The following GRIN2B variants were observed in gnomAD, a reference collection of about 807,000 sequenced individuals.
The protein encoded by GRIN2B is glutamate receptor ionotropic, NMDA 2B.
GRIN2B carries 5 observed loss-of-function variants against 114.5 expected under a neutral mutation model. That is an observed-to-expected ratio of 0.04 (90% CI 0.02 to 0.09). GRIN2B has a LOEUF of 0.09. Ranked by LOEUF, GRIN2B falls within the 10% of genes least tolerant of loss-of-function variation. The pLI, the probability that GRIN2B is intolerant of heterozygous loss-of-function variation, is 1.00. For missense variants in GRIN2B, 1,108 were observed against 1,943.5 expected, an observed-to-expected ratio of 0.57 and a Z score of 8.08; for synonymous variants, 787 against 745.1, an observed-to-expected ratio of 1.06 and a Z score of -0.92.
At chr12:13,848,014 C>T (rs1172079223) in intron 3 of GRIN2B, among the ~76,000 whole-genome samples, 1 of 152,094 alleles carries the variant, frequency 6.6e-6, no homozygotes, top group Non-Finnish European at 1.5e-5. Flanking sequence ...TGGACAGTCC[C>T]CTGCTCAGCT....
At position 13,753,156 on chromosome 12, in the gene GRIN2B, CA is replaced by C. The variant is rs1449955472; in HGVS notation, c.1010+160del. 6.6e-6 allele frequency among the ~76,000 whole-genome samples: 1 copy of C among 152,120 alleles called. No individual in the cohort carries two copies. Among genetic ancestry groups the C allele is most frequent in the Non-Finnish European group, 1.5e-5 (1 of 68,022 alleles). ...AAAGTTGTTTTGGCAAGGTTGGATC[CA>C]AAACACTCCCCCAATCATGACCAAT... On this transcript the variant is annotated intron_variant, in intron 4 of 13. Coordinates refer to ENST00000609686, the MANE Select transcript of GRIN2B (RefSeq NM_000834.5). This position sits in a 1 kb window ranked among gnomAD's most constrained non-coding sequence, Gnocchi z 6.2.
intron 4 of GRIN2B, among the ~76,000 whole-genome samples, chr12:13,727,813 C>G (rs1233145828): frequency 6.6e-6 from 1 of 152,138 alleles, no homozygotes; most frequent in Non-Finnish European, 1.5e-5. Context: ...CTTATGCAAA[C>G]CATGTTCCTA....
intron 10 of GRIN2B, among the ~76,000 whole-genome samples, chr12:13,604,123 G>T (rs1949205133): frequency 6.6e-6 from 1 of 152,080 alleles, no homozygotes; most frequent in African/African-American, 2.4e-5. Context: ...TGGGCTCTTT[G>T]TTAAGAGAAG....
chr12:13,745,643 T>A (rs1275429368), intron 4 of GRIN2B, among the ~76,000 whole-genome samples: 1 of 152,256 alleles, frequency 6.6e-6, no homozygotes, highest in Non-Finnish European at 1.5e-5. Context: ...TCCTACCATC[T>A]ATTCATTAAG....
intron 3 of GRIN2B, among the ~76,000 whole-genome samples, chr12:13,828,361 T>C (rs965534686): frequency 1.3e-5 from 2 of 152,224 alleles, no homozygotes; most frequent in Non-Finnish European, 2.9e-5. Flanking sequence ...GAATTGTTCT[T>C]CTTATGGCTC....
chr12:13,939,575 G>A (rs1867199666), intron 2 of GRIN2B, among the ~76,000 whole-genome samples: 4 of 71,686 alleles, frequency 5.6e-5, no homozygotes, highest in Admixed American at 5.0e-4. Flanking sequence ...TCCTTTTTGA[G>A]ACAAGGTCTT....
chr12:13,934,376 T>C (rs528887913), intron 2 of GRIN2B, among the ~76,000 whole-genome samples: 2 of 152,352 alleles, frequency 1.3e-5, no homozygotes, highest in East Asian at 1.9e-4. Context: ...AGTTTACATA[T>C]ACATTATTTC....
intron 5 of GRIN2B, among the ~76,000 whole-genome samples, chr12:13,640,952 T>C (rs1354447137): frequency 6.6e-6 from 1 of 152,144 alleles, no homozygotes; most frequent in Non-Finnish European, 1.5e-5. Flanking sequence ...CACAACTCTG[T>C]TGTGAGAAGA....
At chr12:13,606,041 TAC>T (rs1949242877) in intron 10 of GRIN2B, among the ~76,000 whole-genome samples, 1 of 152,124 alleles carries the variant, frequency 6.6e-6, no homozygotes, top group Non-Finnish European at 1.5e-5. Context: ...CTCTGTGTGG[TAC>T]ATAGTCTACT....
At chr12:13,840,953 TATGA>T (rs752029532) in intron 3 of GRIN2B, among the ~76,000 whole-genome samples, 48 of 152,226 alleles carry the variant, frequency 3.2e-4, no homozygotes, top group Non-Finnish European at 5.9e-4. Context: ...TCACTATGAG[TATGA>T]ATAACGCCCT....
intron 2 of GRIN2B, among the ~76,000 whole-genome samples, chr12:13,916,712 T>TACACACAC (rs1156830012): frequency 2.5e-3 from 239 of 96,938 alleles, no homozygotes; most frequent in African/African-American, 8.2e-3. Context: ...CATATACATA[T>TACACACAC]ACACACACAC....
Position 13,753,299 on chromosome 12 carries a change from C to T in GRIN2B, c.1010+18G>A. 1 of 1,347,890 alleles carries T rather than the reference C, an allele frequency of 7.4e-7. No homozygotes were observed. Among genetic ancestry groups the T allele is most frequent in the East Asian group, 2.3e-5 (1 of 43,664 alleles). 83.5% of individuals were successfully genotyped at this position (1,347,890 alleles called of 1,614,324 possible). The stretch of plus-strand genomic sequence containing the variant: ...CCTCTCATCTCCACCATCAATGTGC[C>T]CTCTGTTCCACACTCACCTATTTAG... On this transcript the variant is annotated intron_variant, in intron 4 of 13. Transcript: ENST00000609686. The surrounding 1 kb of genome is among the most constrained non-coding windows in gnomAD (Gnocchi z 6.2).
intron 3 of GRIN2B, among the ~76,000 whole-genome samples, chr12:13,767,297 T>C: frequency 6.6e-6 from 1 of 151,408 alleles, no homozygotes; most frequent in South Asian, 2.1e-4. Context: ...AATGCCAAAT[T>C]TTCCTTCTCC....
At chr12:13,978,498 T>C (rs900855284) in intron 2 of GRIN2B, among the ~76,000 whole-genome samples, 1 of 152,222 alleles carries the variant, frequency 6.6e-6, no homozygotes, top group African/African-American at 2.4e-5. Flanking sequence ...AGAACTATCA[T>C]CTACTGTCAT....
chr12:13,900,993 T>G (rs1193273757), intron 2 of GRIN2B, among the ~76,000 whole-genome samples: 2 of 152,186 alleles, frequency 1.3e-5, no homozygotes. Flanking sequence ...ATGTCTATTC[T>G]TGTCCAAGAA....
At chr12:13,898,686 TG>T (rs533460340) in intron 2 of GRIN2B, among the ~76,000 whole-genome samples, 106 of 152,160 alleles carry the variant, frequency 7.0e-4, no homozygotes, top group Non-Finnish European at 1.3e-3. Context: ...CCAAGGCGGG[TG>T]TATCACCTGA....
At chr12:13,924,359 C>T (rs945547104) in intron 2 of GRIN2B, among the ~76,000 whole-genome samples, 1 of 152,134 alleles carries the variant, frequency 6.6e-6, no homozygotes, top group Admixed American at 6.5e-5. Context: ...TGGTGAAATG[C>T]CCAGGCTCTG....
At chr12:13,848,436 G>C (rs1865503947) in intron 3 of GRIN2B, among the ~76,000 whole-genome samples, 1 of 152,110 alleles carries the variant, frequency 6.6e-6, no homozygotes, top group Non-Finnish European at 1.5e-5. Context: ...AGCAGGAAAA[G>C]AGTCCTCTGG....
intron 4 of GRIN2B, among the ~76,000 whole-genome samples, chr12:13,706,351 C>G (rs925048161): frequency 2.0e-5 from 3 of 151,902 alleles, no homozygotes; most frequent in African/African-American, 7.3e-5. Context: ...CTGTTAAGAT[C>G]GAAAGAAAAA....
Sources: allele counts gnomAD v4.1 joint callset (sites outside exome capture counted in the v4.1 genomes callset), GRCh38; gene constraint gnomAD v4.1.1; non-coding constraint Gnocchi (gnomAD v3.1); transcripts MANE v1.5; gene names NCBI Gene and HGNC (gene_info 2026-07-23, HGNC 2026-07-21).